The following KCNK2 variants were observed in gnomAD, a reference collection of about 807,000 sequenced individuals.
KCNK2 encodes potassium channel subfamily K member 2.
KCNK2 carries 21 observed loss-of-function variants against 40.5 expected under a neutral mutation model. The observed-to-expected ratio is 0.52, with a 90% CI of 0.37 to 0.75. The LOEUF is 0.75. Ranked by LOEUF, KCNK2 falls within the 30% of genes least tolerant of loss-of-function variation. The probability of loss-of-function intolerance (pLI) is 0.00; values close to 1 mark genes in which losing one functional copy is unlikely to be tolerated. For missense variants in KCNK2, 399 were observed against 531.6 expected (o/e 0.75, Z 2.45); for synonymous variants, 191 against 202.2 (o/e 0.94, Z 0.47).
In KCNK2 at chr1:215,015,607, C is replaced by T. The variant is rs141643594; in HGVS notation, c.34+9652C>T. Among the ~76,000 whole-genome samples, 685 of 152,188 alleles carry T rather than the reference C, an allele frequency of 4.5e-3. 2 individuals are homozygous for T. Among genetic ancestry groups the T allele is most frequent in the African/African-American group, 0.013 (558 of 41,534 alleles). On this transcript the variant is annotated intron_variant, in intron 1 of 6. Transcript: ENST00000391895. The stretch of plus-strand genomic sequence containing the variant: ...CTGTTAAAAATCTCAGTGACAGAGA[C>T]GTGTGCTCCCAGCATCATTTTGCCC...
chr1:215,153,985 A>G (rs1662799896), intron 3 of KCNK2, among the ~76,000 whole-genome samples: 1 of 152,132 alleles, frequency 6.6e-6, no homozygotes, highest in Non-Finnish European at 1.5e-5. Context: ...TTCTTTATCC[A>G]GTCTATCATT....
At chr1:215,141,118 TC>T (rs998729971) in intron 3 of KCNK2, among the ~76,000 whole-genome samples, 26 of 152,260 alleles carry the variant, frequency 1.7e-4, no homozygotes, top group African/African-American at 6.3e-4. Flanking sequence ...CACTGGAAAG[TC>T]TTTATTGATA....
chr1:215,178,067 A>T (rs1422323697), intron 5 of KCNK2, among the ~76,000 whole-genome samples: 3 of 152,096 alleles, frequency 2.0e-5, no homozygotes, highest in Non-Finnish European at 4.4e-5. Flanking sequence ...AGTGTTGTGT[A>T]GTTCTTGTAG....
chr1:215,082,497 G>C (rs1027641841), upstream of KCNK2, among the ~76,000 whole-genome samples: 1 of 152,116 alleles, frequency 6.6e-6, no homozygotes, highest in Non-Finnish European at 1.5e-5. Flanking sequence ...GCCAGACAGC[G>C]AGAGTGAGGA....
chr1:215,066,137 G>C (rs1658532679), intron 1 of KCNK2, among the ~76,000 whole-genome samples: 1 of 149,550 alleles, frequency 6.7e-6, no homozygotes, highest in Non-Finnish European at 1.5e-5. Flanking sequence ...CTAGGAGAGG[G>C]ATAACATTAG....
At chr1:215,024,226 G>T (rs1283419858) in intron 1 of KCNK2, among the ~76,000 whole-genome samples, 1 of 152,200 alleles carries the variant, frequency 6.6e-6, no homozygotes, top group Non-Finnish European at 1.5e-5. Context: ...TGGAACAAGG[G>T]TGACAAGAGA....
chr1:215,147,816 CAG>C (rs760969408), intron 3 of KCNK2, among the ~76,000 whole-genome samples: 1 of 152,032 alleles, frequency 6.6e-6, no homozygotes. Context: ...GCCTGGGTGA[CAG>C]AGTGAGACTC....
chr1:215,060,489 C>A (rs752679993), intron 1 of KCNK2, among the ~76,000 whole-genome samples: 1 of 152,064 alleles, frequency 6.6e-6, no homozygotes, highest in Non-Finnish European at 1.5e-5. Context: ...CTGAGTAACA[C>A]CTAGATGCAG....
At chr1:215,208,778 A>C (rs1665426367) in intron 6 of KCNK2, among the ~76,000 whole-genome samples, 2 of 152,028 alleles carry the variant, frequency 1.3e-5, no homozygotes, top group Admixed American at 1.3e-4. Context: ...ATTTCTCACG[A>C]ATGTCAAAGT....
intron 2 of KCNK2, among the ~76,000 whole-genome samples, chr1:215,091,600 CAG>C (rs1571900104): frequency 1.3e-5 from 2 of 152,182 alleles, no homozygotes; most frequent in African/African-American, 4.8e-5. Context: ...AGAATAAAAT[CAG>C]AAGAAAATTT....
At chr1:215,232,501 C>A (rs575534717) in intron 6 of KCNK2, among the ~76,000 whole-genome samples, 97 of 152,110 alleles carry the variant, frequency 6.4e-4, no homozygotes, top group Non-Finnish European at 1.2e-3. Context: ...TATGAGATTA[C>A]AGAGTATGTG....
chr1:215,080,097 G>C (rs1659093989), upstream of KCNK2, among the ~76,000 whole-genome samples: 1 of 152,180 alleles, frequency 6.6e-6, no homozygotes, highest in Non-Finnish European at 1.5e-5. Context: ...AAAAAGCAGG[G>C]AAGATGGCAA....
chr1:215,118,070 C>T (rs1661025643), intron 2 of KCNK2, among the ~76,000 whole-genome samples: 1 of 152,112 alleles, frequency 6.6e-6, no homozygotes, highest in African/African-American at 2.4e-5. Flanking sequence ...TGTTTCAAAC[C>T]TGCCAGTCAA....
chr1:215,210,332 T>A (rs1558141888), intron 6 of KCNK2, among the ~76,000 whole-genome samples: 1 of 151,702 alleles, frequency 6.6e-6, no homozygotes, highest in Non-Finnish European at 1.5e-5. Context: ...TGATTCTGAA[T>A]GAACAGGCAA....
intron 3 of KCNK2, among the ~76,000 whole-genome samples, chr1:215,131,271 G>T (rs1661665174): frequency 6.7e-6 from 1 of 150,258 alleles, no homozygotes; most frequent in Admixed American, 6.6e-5. Flanking sequence ...CCAATTTAAA[G>T]ATTAGAATAA....
intron 1 of KCNK2, 53 bp from the exon 2 acceptor site, chr1:215,086,315 C>A: frequency 6.9e-7 from 1 of 1,440,210 alleles, no homozygotes; most frequent in Non-Finnish European, 9.7e-7. Flanking sequence ...AGAAGCCCGA[C>A]CAATTCCCTT....
chr1:215,048,714 G>A (rs1168060257), intron 1 of KCNK2, among the ~76,000 whole-genome samples: 2 of 152,108 alleles, frequency 1.3e-5, no homozygotes, highest in Admixed American at 6.5e-5. Flanking sequence ...TCAACCAAGA[G>A]GACAGTAGGG....
intron 1 of KCNK2, among the ~76,000 whole-genome samples, chr1:215,016,028 G>A (rs1219787552): frequency 6.6e-6 from 1 of 152,054 alleles, no homozygotes; most frequent in South Asian, 2.1e-4. Flanking sequence ...ACGATCAAGC[G>A]AAACAAAATG....
At chr1:215,089,990 C>A (rs1485042052) in intron 2 of KCNK2, among the ~76,000 whole-genome samples, 1 of 151,848 alleles carries the variant, frequency 6.6e-6, no homozygotes, top group East Asian at 1.9e-4. Context: ...CCACGGCCAG[C>A]TAATTTTGTA....
Sources: gnomAD v4.1 joint callset for allele counts (sites outside exome capture counted in the v4.1 genomes callset) on GRCh38, gnomAD v4.1.1 for gene constraint, MANE v1.5 for transcripts, NCBI Gene and HGNC (gene_info 2026-07-23, HGNC 2026-07-21) for gene names.